CACNA2D1: variants seen among roughly 807,000 people sequenced by gnomAD.
CACNA2D1 encodes the protein voltage-dependent calcium channel subunit alpha-2/delta-1.
In CACNA2D1, 53 loss-of-function variants were observed where a neutral mutation model predicts 171.5. The observed-to-expected ratio is 0.31, with a 90% CI of 0.25 to 0.39. The LOEUF is 0.39. Among genes scored for constraint, CACNA2D1 ranks in the 10% least tolerant of loss-of-function variants. The probability of loss-of-function intolerance (pLI) is 1.00; values close to 1 mark genes in which losing one functional copy is unlikely to be tolerated. For synonymous variants in CACNA2D1, 442 were observed against 443.1 expected, an observed-to-expected ratio of 1.00 and a Z score of 0.03; for missense variants, 903 against 1,299.8, an observed-to-expected ratio of 0.69 and a Z score of 4.69.
intron 3 of CACNA2D1, among the ~76,000 whole-genome samples, chr7:82,265,509 C>T (rs1477834199): frequency 6.8e-6 from 1 of 147,112 alleles, no homozygotes; most frequent in African/African-American, 2.5e-5. Context: ...AAGAAATCCC[C>T]ACATCCCATT....
At chr7:82,261,116 G>A (rs759901798) in intron 3 of CACNA2D1, among the ~76,000 whole-genome samples, 18 of 151,956 alleles carry the variant, frequency 1.2e-4, no homozygotes, top group Admixed American at 4.6e-4. Context: ...CAGCACGCCC[G>A]GCTAAATTTT....
rs1366822726 is a variant in CACNA2D1 at position 81,946,752 on chromosome 7, A to T, written c.*3640T>A. The T allele has an allele frequency of 6.6e-6, 1 of 151,232 alleles. No homozygotes were observed. The highest frequency in any genetic ancestry group is 2.4e-5 in the African/African-American group (1 of 41,080). 9.4% of individuals were successfully genotyped at this position (151,232 alleles called of 1,614,324 possible). A position where few individuals can be genotyped will look rare whatever the true frequency, so the allele number is the denominator to read the frequency against. ...GACAGCTTTACTAGGTCACATTATAAACTCAACTGGCATCTACACAAGACA... is the reference window on the plus strand; with the variant it reads ...GACAGCTTTACTAGGTCACATTATATACTCAACTGGCATCTACACAAGACA... On this transcript the variant is annotated 3_prime_UTR_variant, in exon 39 of 39. Coordinates refer to ENST00000356860, the MANE Select transcript of CACNA2D1 (RefSeq NM_000722.4).
intron 1 of CACNA2D1, among the ~76,000 whole-genome samples, chr7:82,382,758 A>G (rs1199998690): frequency 6.6e-6 from 1 of 152,210 alleles, no homozygotes; most frequent in Non-Finnish European, 1.5e-5. Flanking sequence ...AGATTAGATG[A>G]ATTATTGGTA....
rs748988843 is a variant in CACNA2D1 at position 81,962,441 on chromosome 7, T to A, written c.2835A>T (p.Ala945=). Reference sequence around the variant, plus strand: ...GACAAGGTCTGAGCATTTACATACCTGCCTCAAGGAGTCGTGGAAAGGTCA... The same window carrying A: ...GACAAGGTCTGAGCATTTACATACCAGCCTCAAGGAGTCGTGGAAAGGTCA... The part of the protein sequence containing the change: ...LSLTFPRLLE[A]VEMEDDDFTA... The change falls in exon 35 of 39, where the codon GCA becomes GCT. Residue 945 remains alanine (A), a splice_region_variant and synonymous_variant. Coordinates refer to ENST00000356860, the MANE Select transcript of CACNA2D1 (RefSeq NM_000722.4). 9 of 1,604,134 alleles carry A rather than the reference T, an allele frequency of 5.6e-6. No individual in the cohort carries two copies. The highest frequency in any genetic ancestry group is 7.7e-6 in the Non-Finnish European group (9 of 1,173,740).
At chr7:82,184,670 G>A (rs1025376611) in intron 3 of CACNA2D1, among the ~76,000 whole-genome samples, 1 of 152,044 alleles carries the variant, frequency 6.6e-6, no homozygotes. Flanking sequence ...CAAGTACAAA[G>A]TTCAAGAAGC....
At chr7:82,180,528 A>G (rs1326080240) in intron 3 of CACNA2D1, among the ~76,000 whole-genome samples, 4 of 151,988 alleles carry the variant, frequency 2.6e-5, no homozygotes, top group Non-Finnish European at 2.9e-5. Context: ...GACCCTTTAC[A>G]TTTCTTGACA....
At chr7:82,426,527 C>T (rs557955653) in intron 1 of CACNA2D1, among the ~76,000 whole-genome samples, 121 of 152,216 alleles carry the variant, frequency 7.9e-4, no homozygotes, top group African/African-American at 2.8e-3. Flanking sequence ...ACATTTATTA[C>T]TCAAGGTAAA....
intron 4 of CACNA2D1, among the ~76,000 whole-genome samples, chr7:82,139,954 TTATTA>T (rs1178291446): frequency 6.7e-6 from 1 of 149,072 alleles, no homozygotes; most frequent in African/African-American, 2.5e-5. Flanking sequence ...GCTATTATTA[TTATTA>T]TTATTATTAT....
At chr7:82,332,023 C>A (rs2129443846) in intron 3 of CACNA2D1, among the ~76,000 whole-genome samples, 1 of 152,096 alleles carries the variant, frequency 6.6e-6, no homozygotes. Context: ...GTTTATCTTC[C>A]TATGAATTAC....
Position 82,108,421 on chromosome 7 carries a change from G to T in CACNA2D1, c.526+8623C>A, listed in dbSNP as rs1787994908. ...CACCAACCCTTTCAGATTGAGGCCC[G>T]CTTTTGTGACCTCATTTAATCCTAA... is the stretch of plus-strand genomic sequence containing the variant. On this transcript the variant is annotated intron_variant, in intron 6 of 38. Transcript: ENST00000356860. Among the ~76,000 whole-genome samples, 3 of 152,070 alleles carry T rather than the reference G, an allele frequency of 2.0e-5. No individual in the cohort carries two copies. In the South Asian group the frequency reaches 6.2e-4, roughly 31 times the overall value.
intron 4 of CACNA2D1, among the ~76,000 whole-genome samples, chr7:82,169,003 A>C (rs1301196367): frequency 3.3e-5 from 5 of 152,068 alleles, no homozygotes; most frequent in Non-Finnish European, 7.4e-5. Context: ...CTAGCCATAC[A>C]TCTATTATGA....
At chr7:82,325,028 A>T (rs1217970474) in intron 3 of CACNA2D1, among the ~76,000 whole-genome samples, 2 of 152,220 alleles carry the variant, frequency 1.3e-5, no homozygotes, top group Non-Finnish European at 2.9e-5. Context: ...TTTCGCTGTC[A>T]GCAGAAAACA....
intron 6 of CACNA2D1, among the ~76,000 whole-genome samples, chr7:82,101,810 G>A (rs1812709183): frequency 6.6e-6 from 1 of 151,868 alleles, no homozygotes; most frequent in African/African-American, 2.4e-5. Context: ...TTTGATTTTG[G>A]CCTCTAACCT....
chr7:82,038,314 C>G lies in CACNA2D1; in HGVS notation c.880-79G>C, dbSNP rs1803551649. 1.1e-5 allele frequency: 14 copies of G among 1,259,236 alleles called. No individual in the cohort carries two copies. The South Asian group carries it at 1.5e-4, about 14-fold the overall frequency. 78.0% of individuals were successfully genotyped at this position (1,259,236 alleles called of 1,614,324 possible). ...GTTTTCATAGAATTTGTGTTTGATA[C>G]TCCTAAACGGTATTGCATTGCTTAC... On this transcript the variant is annotated intron_variant, in intron 10 of 38. Transcript: ENST00000356860.
At chr7:82,255,647 C>G (rs1806208546) in intron 3 of CACNA2D1, among the ~76,000 whole-genome samples, 2 of 152,108 alleles carry the variant, frequency 1.3e-5, no homozygotes, top group African/African-American at 4.8e-5. Context: ...GAACAAGAGG[C>G]CTTAGATTGA....
chr7:82,425,602 C>T (rs931946886), intron 1 of CACNA2D1, among the ~76,000 whole-genome samples: 1 of 148,480 alleles, frequency 6.7e-6, no homozygotes, highest in African/African-American at 2.5e-5. Context: ...AGTGCGGCTG[C>T]TGGATCATAG....
At chr7:82,189,904 G>A (rs1416450952) in intron 3 of CACNA2D1, among the ~76,000 whole-genome samples, 1 of 151,808 alleles carries the variant, frequency 6.6e-6, no homozygotes, top group African/African-American at 2.4e-5. Context: ...AATTGTAAAA[G>A]TTATTAATAA....
At chr7:82,316,399 T>TA (rs756035797) in intron 3 of CACNA2D1, among the ~76,000 whole-genome samples, 1 of 152,164 alleles carries the variant, frequency 6.6e-6, no homozygotes, top group Non-Finnish European at 1.5e-5. Flanking sequence ...GAATTTTTTT[T>TA]AAAAATCAAA....
intron 1 of CACNA2D1, among the ~76,000 whole-genome samples, chr7:82,427,187 T>G (rs1829272915): frequency 6.6e-6 from 1 of 152,142 alleles, no homozygotes; most frequent in Non-Finnish European, 1.5e-5. Context: ...ATACTATGCC[T>G]TAGCACAATT....
Sources: allele counts gnomAD v4.1 joint callset (sites outside exome capture counted in the v4.1 genomes callset), GRCh38; gene constraint gnomAD v4.1.1; transcripts MANE v1.5; gene names NCBI Gene and HGNC (gene_info 2026-07-23, HGNC 2026-07-21).